The following PDE1C variants were observed in gnomAD, a reference collection of about 807,000 sequenced individuals.
The protein encoded by PDE1C is dual specificity calcium/calmodulin-dependent 3',5'-cyclic nucleotide phosphodiesterase 1C.
PDE1C carries 62 observed loss-of-function variants against 93.1 expected under a neutral mutation model. The observed-to-expected ratio is 0.67, with a 90% CI of 0.54 to 0.82. PDE1C has a LOEUF of 0.82. Ranked by LOEUF, PDE1C falls within the 40% of genes least tolerant of loss-of-function variation. PDE1C has a pLI of 0.00. For missense variants in PDE1C, 742 were observed against 884.6 expected (o/e 0.84, Z 2.04); for synonymous variants, 325 against 310.1 (o/e 1.05, Z -0.50).
intron 2 of PDE1C, among the ~76,000 whole-genome samples, chr7:32,207,412 C>G (rs1478140955): frequency 6.6e-6 from 1 of 151,666 alleles, no homozygotes; most frequent in East Asian, 1.9e-4. Flanking sequence ...AAACTGAACT[C>G]TTCATTCACA....
At chr7:31,901,637 T>C (rs1477668143) in intron 2 of PDE1C, among the ~76,000 whole-genome samples, 1 of 151,096 alleles carries the variant, frequency 6.6e-6, no homozygotes. Context: ...AGGCTAAACT[T>C]TTAAACATAG....
downstream of PDE1C, among the ~76,000 whole-genome samples, chr7:31,747,819 A>G (rs1794037371): frequency 6.8e-6 from 1 of 146,442 alleles, no homozygotes. Flanking sequence ...TTGAGTCAGG[A>G]GTCACAAGTC....
At chr7:31,856,461 T>G (rs1304946118) in intron 7 of PDE1C, among the ~76,000 whole-genome samples, 1 of 152,218 alleles carries the variant, frequency 6.6e-6, no homozygotes, top group Non-Finnish European at 1.5e-5. Context: ...TGATACAACA[T>G]TTATGTTAAT....
At chr7:32,386,127 T>C (rs1295490156) in intron 1 of PDE1C, among the ~76,000 whole-genome samples, 9 of 149,198 alleles carry the variant, frequency 6.0e-5, no homozygotes, top group East Asian at 5.9e-4. Flanking sequence ...AAAATGTATA[T>C]ATTTACAAAT....
intron 1 of PDE1C, among the ~76,000 whole-genome samples, chr7:32,307,294 G>A (rs1461443821): frequency 6.6e-6 from 1 of 152,090 alleles, no homozygotes; most frequent in Non-Finnish European, 1.5e-5. Context: ...AGCTTCATCA[G>A]CACCTAGACC....
chr7:31,674,090 G>T, the PDE1C span, among the ~76,000 whole-genome samples: 1 of 152,134 alleles, frequency 6.6e-6, no homozygotes, highest in South Asian at 2.1e-4. Context: ...ATACACCTGT[G>T]CAACTTAAAC....
chr7:32,418,924 T>C (rs1277623617), intron 1 of PDE1C, among the ~76,000 whole-genome samples: 1 of 152,164 alleles, frequency 6.6e-6, no homozygotes, highest in Non-Finnish European at 1.5e-5. Flanking sequence ...GAAGAATAAA[T>C]GAATCTGTTA....
intron 2 of PDE1C, among the ~76,000 whole-genome samples, chr7:31,957,510 G>A (rs1240859299): frequency 6.6e-6 from 1 of 152,094 alleles, no homozygotes; most frequent in Non-Finnish European, 1.5e-5. Flanking sequence ...ACACAGCAAG[G>A]GACAATAGGA....
chr7:31,738,605 G>A, the PDE1C span, among the ~76,000 whole-genome samples: 8 of 152,178 alleles, frequency 5.3e-5, no homozygotes, highest in South Asian at 2.1e-4. Flanking sequence ...ACCCAGCTAG[G>A]AGAGGCATTT....
At chr7:31,999,799 C>A (rs1390644962) in intron 2 of PDE1C, among the ~76,000 whole-genome samples, 1 of 152,172 alleles carries the variant, frequency 6.6e-6, no homozygotes, top group Non-Finnish European at 1.5e-5. Flanking sequence ...CCCTCACACA[C>A]AGAGCAGTCA....
chr7:31,847,320 T>C (rs950402208), intron 9 of PDE1C, among the ~76,000 whole-genome samples: 3 of 152,144 alleles, frequency 2.0e-5, no homozygotes, highest in Non-Finnish European at 4.4e-5. Context: ...ACTGAGTCCA[T>C]ATTCAAAACA....
intron 11 of PDE1C, among the ~76,000 whole-genome samples, chr7:31,835,525 G>GGTGTGTGTGTGTGT (rs58539780): frequency 4.1e-5 from 6 of 147,064 alleles, no homozygotes; most frequent in African/African-American, 1.5e-4. Flanking sequence ...GGGGTGCTGC[G>GGTGTGTGTGTGTGT]GTGTGTGTGT....
intron 3 of PDE1C, among the ~76,000 whole-genome samples, chr7:32,127,932 A>C (rs1237073878): frequency 1.3e-5 from 2 of 152,040 alleles, no homozygotes; most frequent in African/African-American, 4.8e-5. Context: ...AGAAAAGGAC[A>C]GCAATGAAAA....
intron 1 of PDE1C, among the ~76,000 whole-genome samples, chr7:32,389,324 C>T (rs930090167): frequency 6.6e-6 from 1 of 152,150 alleles, no homozygotes; most frequent in African/African-American, 2.4e-5. Flanking sequence ...TCAAGTGATT[C>T]TCCTGCCTCA....
At chr7:31,945,360 C>T (rs1344211130) in intron 2 of PDE1C, among the ~76,000 whole-genome samples, 1 of 152,024 alleles carries the variant, frequency 6.6e-6, no homozygotes, top group Non-Finnish European at 1.5e-5. Flanking sequence ...TCTGAGTCTC[C>T]AACCTGTATC....
rs748255557 is a variant in PDE1C at position 31,879,118 on chromosome 7, C to T, written c.303G>A (p.Glu101=). The T allele has an allele frequency of 6.2e-7, 1 of 1,614,136 alleles. No individual in the cohort carries two copies. The highest frequency in any genetic ancestry group is 8.5e-7 in the Non-Finnish European group (1 of 1,179,998). ...SDIQSDAVPS[E]VRDWLASTFT... is the part of the protein sequence containing the mutation. ...AGGTGGAGGCCAGCCAGTCTCGGAC[C>T]TCAGAAGGCACAGCATCTGACTGAA... The change falls in exon 4 of 18, where the codon GAG becomes GAA. Residue 101 remains glutamate, a synonymous_variant. Coordinates refer to ENST00000396191, the MANE Select transcript of PDE1C (RefSeq NM_001191057.4).
At chr7:31,913,834 T>C (rs1208830036) in intron 2 of PDE1C, among the ~76,000 whole-genome samples, 1 of 152,142 alleles carries the variant, frequency 6.6e-6, no homozygotes, top group Non-Finnish European at 1.5e-5. Context: ...TGTGCTGGCT[T>C]TCCATCTCTG....
intron 2 of PDE1C, among the ~76,000 whole-genome samples, chr7:31,955,585 T>C (rs1018166204): frequency 1.3e-5 from 2 of 152,154 alleles, no homozygotes; most frequent in African/African-American, 2.4e-5. Flanking sequence ...TACTGATTAA[T>C]TGTCTTAAAA....
rs1803868631 is a variant in PDE1C at position 31,929,310 on chromosome 7, G to C, written c.129-48450C>G. On this transcript the variant is annotated intron_variant, in intron 2 of 17. Transcript: ENST00000396191. ...AAGCAAGTTCTTAGAGACCTACAAA[G>C]AGACTTAGACTCCCACACAATAATA... Among the ~76,000 whole-genome samples, 3 of 152,130 alleles carry C rather than the reference G, an allele frequency of 2.0e-5. No homozygotes were observed. In the South Asian group the frequency reaches 6.2e-4, roughly 32 times the overall value.
Sources: allele counts gnomAD v4.1 joint callset (sites outside exome capture counted in the v4.1 genomes callset), GRCh38; gene constraint gnomAD v4.1.1; transcripts MANE v1.5; gene names NCBI Gene and HGNC (gene_info 2026-07-23, HGNC 2026-07-21).